The following GPC3 variants were observed in gnomAD, a reference collection of about 807,000 sequenced individuals.
GPC3 encodes the protein glypican-3.
GPC3 carries 3 observed loss-of-function variants against 34.4 expected under a neutral mutation model. That is an observed-to-expected ratio of 0.09 (90% confidence interval 0.04 to 0.23). GPC3 has a LOEUF of 0.23. GPC3 is among the 10% of genes least tolerant of loss of function. The probability of loss-of-function intolerance (pLI) is 1.00; values close to 1 mark genes in which losing one functional copy is unlikely to be tolerated. For synonymous variants in GPC3, 177 were observed against 174.0 expected (o/e 1.02, Z -0.13); for missense variants, 351 against 445.6 (o/e 0.79, Z 1.91).
intron 3 of GPC3, among the ~76,000 whole-genome samples, chrX:133,750,946 G>A (rs779395663): frequency 1.7e-3 from 184 of 109,496 alleles, no homozygotes; most frequent in African/African-American, 5.5e-3. Context: ...GGTGGCATGC[G>A]CCTGCAATCC....
chrX:133,736,492 T>A (rs1194642227), intron 3 of GPC3, among the ~76,000 whole-genome samples: 1 of 112,048 alleles, frequency 8.9e-6, no homozygotes, highest in Non-Finnish European at 1.9e-5. Flanking sequence ...CATCAACTGA[T>A]AATAGACAAA....
chrX:133,815,880 A>G (rs769407601), intron 2 of GPC3, among the ~76,000 whole-genome samples: 2 of 111,370 alleles, frequency 1.8e-5, no homozygotes, highest in Admixed American at 9.6e-5. Flanking sequence ...CTTGAAAACT[A>G]TATTCTGAGG....
chrX:133,807,861 A>C (rs2075644440), intron 2 of GPC3, among the ~76,000 whole-genome samples: 1 of 112,501 alleles, frequency 8.9e-6, no homozygotes, highest in Non-Finnish European at 1.9e-5. Flanking sequence ...GCCTGTTAGA[A>C]ATGTACATTG....
At chrX:133,897,073 A>AT (rs1316595523) in intron 2 of GPC3, among the ~76,000 whole-genome samples, 3 of 108,705 alleles carry the variant, frequency 2.8e-5, no homozygotes, top group Non-Finnish European at 3.8e-5. Flanking sequence ...CGCCCAGCTA[A>AT]TTTTTTGTAT....
intron 2 of GPC3, among the ~76,000 whole-genome samples, chrX:133,804,700 T>G (rs1191989746): frequency 8.9e-6 from 1 of 111,924 alleles, no homozygotes; most frequent in Non-Finnish European, 1.9e-5. Flanking sequence ...CTTATGCCTC[T>G]TCTTTTAAAA....
intron 2 of GPC3, among the ~76,000 whole-genome samples, chrX:133,828,752 T>C (rs184813969): frequency 9.0e-6 from 1 of 110,942 alleles, no homozygotes; most frequent in African/African-American, 3.3e-5. Context: ...AAAGAACTTT[T>C]TGAGATCTAT....
At chrX:133,800,078 T>C (rs2075601699) in intron 2 of GPC3, among the ~76,000 whole-genome samples, 1 of 112,390 alleles carries the variant, frequency 8.9e-6, no homozygotes, top group Non-Finnish European at 1.9e-5. Flanking sequence ...CTTTATTTGA[T>C]CTGTGGTATC....
At chrX:133,778,859 C>T (rs1484818358) in intron 2 of GPC3, among the ~76,000 whole-genome samples, 1 of 111,991 alleles carries the variant, frequency 8.9e-6, no homozygotes, top group African/African-American at 3.2e-5. Context: ...GGACATGAAA[C>T]ACTTTAGATT....
chrX:133,714,639 T>C (rs1207348422), intron 3 of GPC3, among the ~76,000 whole-genome samples: 1 of 111,545 alleles, frequency 9.0e-6, no homozygotes, highest in African/African-American at 3.2e-5. Flanking sequence ...AATAACATAT[T>C]AATTCATCAC....
At chrX:133,787,800 CT>C (rs2072117602) in intron 2 of GPC3, among the ~76,000 whole-genome samples, 1 of 110,380 alleles carries the variant, frequency 9.1e-6, no homozygotes, top group African/African-American at 3.3e-5. Context: ...GAAAGTAGAC[CT>C]ACATGATCTG....
intron 6 of GPC3, among the ~76,000 whole-genome samples, chrX:133,626,039 T>C (rs1457671831): frequency 2.7e-5 from 3 of 111,550 alleles, no homozygotes; most frequent in Non-Finnish European, 5.7e-5. Context: ...ATCTTTGACA[T>C]ACCTGACAAA....
intron 2 of GPC3, among the ~76,000 whole-genome samples, chrX:133,795,802 AATC>A (rs2075575837): frequency 9.0e-6 from 1 of 111,038 alleles, no homozygotes; most frequent in Non-Finnish European, 1.9e-5. Flanking sequence ...CCAAGTAAAC[AATC>A]ATCATCAATA....
chrX:133,961,719 A>C (rs989916115), intron 1 of GPC3, among the ~76,000 whole-genome samples: 1 of 111,382 alleles, frequency 9.0e-6, no homozygotes, highest in Non-Finnish European at 1.9e-5. Context: ...ATTAACTAGA[A>C]ACCTTTCACT....
chrX:133,577,436 G>GA (rs1353159416), intron 7 of GPC3, among the ~76,000 whole-genome samples: 1 of 111,777 alleles, frequency 8.9e-6, no homozygotes, highest in African/African-American at 3.3e-5. Flanking sequence ...TTAATCGTTA[G>GA]AAAAAACAGC....
intron 2 of GPC3, among the ~76,000 whole-genome samples, chrX:133,914,207 T>A (rs2076213342): frequency 1.8e-5 from 2 of 111,502 alleles, no homozygotes; most frequent in Non-Finnish European, 3.8e-5. Context: ...TGGGAGTCTC[T>A]AATCCCTATA....
intron 7 of GPC3, among the ~76,000 whole-genome samples, chrX:133,540,685 C>T (rs1475116918): frequency 9.0e-6 from 1 of 110,656 alleles, no homozygotes; most frequent in Non-Finnish European, 1.9e-5. Context: ...AACATCTGTA[C>T]CCAAAAACTA....
At chrX:133,981,577 A>C (rs1041600077) in intron 1 of GPC3, among the ~76,000 whole-genome samples, 1 of 112,036 alleles carries the variant, frequency 8.9e-6, no homozygotes, top group Non-Finnish European at 1.9e-5. Flanking sequence ...AGTTTTAACA[A>C]ATCACCTGGT....
rs368781722 is a variant in GPC3 at position 133,602,640 on chromosome X, A to T, written c.1414-6041T>A. 2.8e-4 allele frequency among the ~76,000 whole-genome samples: 31 copies of T among 111,668 alleles called. 2 individuals are homozygous for T. Among genetic ancestry groups the T allele is most frequent in the Admixed American group, 2.0e-3 (21 of 10,481 alleles). On this transcript the variant is annotated intron_variant, in intron 6 of 7. Coordinates refer to ENST00000370818, the MANE Select transcript of GPC3 (RefSeq NM_004484.4). ...ATACTACTGTAGGATGAATATGGTT[A>T]ATAATAATTTATTGTATATTTTCTA...
chrX:133,661,967 G>A, intron 5 of GPC3, 117 bp from the exon 6 acceptor site: 1 of 829,774 alleles, frequency 1.2e-6, no homozygotes, highest in East Asian at 3.3e-5. Context: ...CGACCTCATG[G>A]TGCAAAAGTA....
Sources: allele counts gnomAD v4.1 joint callset (sites outside exome capture counted in the v4.1 genomes callset), GRCh38; gene constraint gnomAD v4.1.1; transcripts MANE v1.5; gene names NCBI Gene and HGNC (gene_info 2026-07-23, HGNC 2026-07-21).